FAM178B: variants seen among roughly 807,000 people sequenced by gnomAD.
The protein encoded by FAM178B is protein FAM178B.
Under a neutral mutation model 91.7 loss-of-function variants are expected in FAM178B, and 82 were observed. That is an observed-to-expected ratio of 0.89 (90% CI 0.75 to 1.07). The LOEUF is 1.07. FAM178B is among the 50% of genes least tolerant of loss of function. The pLI is 0.00. For synonymous variants in FAM178B, 368 were observed against 359.4 expected (o/e 1.02, Z -0.27); for missense variants, 769 against 846.7 (o/e 0.91, Z 1.14).
chr2:96,942,638 G>A (rs1177201622), intron 8 of FAM178B, among the ~76,000 whole-genome samples: 2 of 152,076 alleles, frequency 1.3e-5, no homozygotes, highest in Non-Finnish European at 2.9e-5. Flanking sequence ...CTCATGATCC[G>A]CCTGCCTCGG....
chr2:96,879,038 G>T (rs562549196), intron 14 of FAM178B, among the ~76,000 whole-genome samples: 1 of 152,246 alleles, frequency 6.6e-6, no homozygotes, highest in Non-Finnish European at 1.5e-5. Context: ...AAAACAGGAC[G>T]CAGGCCTGCT....
intron 12 of FAM178B, among the ~76,000 whole-genome samples, chr2:96,918,742 A>G (rs2081283080): frequency 6.6e-6 from 1 of 152,202 alleles, no homozygotes. Flanking sequence ...AAAAAGTAGG[A>G]GTTAAAGAAA....
At chr2:96,945,448 C>A (rs2081811142) in intron 8 of FAM178B, among the ~76,000 whole-genome samples, 1 of 152,162 alleles carries the variant, frequency 6.6e-6, no homozygotes, top group African/African-American at 2.4e-5. Context: ...CTGGGAAGAA[C>A]TGCTGGTCAC....
chr2:96,884,752 C>T lies in FAM178B; in HGVS notation c.1777-6259G>A, dbSNP rs960205269. Among the ~76,000 whole-genome samples, 5 of 152,356 alleles carry T rather than the reference C, an allele frequency of 3.3e-5. No homozygotes were observed. The East Asian group carries it at 7.7e-4, about 24-fold the overall frequency. On this transcript the variant is annotated intron_variant, in intron 14 of 16. Coordinates refer to ENST00000490605, the MANE Select transcript of FAM178B (RefSeq NM_001122646.3). ...CAACCTCTTCCCCTTGGCCAGGCAG[C>T]TTCTGCTCCAAGGTTGCACCTCTGA...
At chr2:96,935,306 C>A (rs999521311) in intron 8 of FAM178B, among the ~76,000 whole-genome samples, 50 of 152,192 alleles carry the variant, frequency 3.3e-4, no homozygotes, top group Non-Finnish European at 1.5e-5. Context: ...TGCAGGATCT[C>A]AGGAGCCCGT....
At chr2:96,950,064 G>A in intron 7 of FAM178B, 7 of 985,686 alleles carry the variant, frequency 7.1e-6, no homozygotes, top group Non-Finnish European at 8.4e-6. Flanking sequence ...GCAGGGGAAG[G>A]CTCGTCTGTG....
chr2:96,944,152 G>A (rs2081780793), intron 8 of FAM178B, among the ~76,000 whole-genome samples: 1 of 149,146 alleles, frequency 6.7e-6, no homozygotes, highest in South Asian at 2.2e-4. Flanking sequence ...TGAGGCAGGA[G>A]AATGGCGTGA....
At chr2:96,948,736 G>A (rs1445319808) in intron 7 of FAM178B, among the ~76,000 whole-genome samples, 3 of 152,204 alleles carry the variant, frequency 2.0e-5, no homozygotes, top group Admixed American at 1.3e-4. Context: ...CCAGGGCCCT[G>A]AGCCCAGGAC....
chr2:96,952,276 G>A (rs886440470), intron 6 of FAM178B, among the ~76,000 whole-genome samples: 1 of 152,162 alleles, frequency 6.6e-6, no homozygotes. Context: ...TGAGAAGACC[G>A]GAAAATAACA....
At chr2:96,878,985 C>T (rs1284364767) in intron 14 of FAM178B, among the ~76,000 whole-genome samples, 3 of 152,184 alleles carry the variant, frequency 2.0e-5, no homozygotes, top group South Asian at 4.1e-4. Context: ...CTGCACATCT[C>T]GCCTCCATCC....
chr2:96,916,181 TAA>T (rs2081238468), intron 12 of FAM178B, among the ~76,000 whole-genome samples: 1 of 152,218 alleles, frequency 6.6e-6, no homozygotes, highest in African/African-American at 2.4e-5. Context: ...GTGCACATTT[TAA>T]AGTCATTTGC....
chr2:96,981,907 A>T (rs1188678613), intron 1 of FAM178B, among the ~76,000 whole-genome samples: 1 of 151,906 alleles, frequency 6.6e-6, no homozygotes, highest in Non-Finnish European at 1.5e-5. Flanking sequence ...TCTCTACAAA[A>T]AAACGCAAAA....
chr2:96,979,095 G>C (rs1224715691), intron 1 of FAM178B, among the ~76,000 whole-genome samples: 1 of 147,740 alleles, frequency 6.8e-6, no homozygotes, highest in Non-Finnish European at 1.5e-5. Context: ...CCCTGCCTCA[G>C]CCTCCTGAGT....
At chr2:96,929,620 G>T (rs778652173) in intron 8 of FAM178B, among the ~76,000 whole-genome samples, 1 of 152,206 alleles carries the variant, frequency 6.6e-6, no homozygotes, top group Non-Finnish European at 1.5e-5. Context: ...CAGGGTGCTC[G>T]GCTGCCCACA....
chr2:96,976,179 C>T (rs1574324317), intron 1 of FAM178B, among the ~76,000 whole-genome samples: 2 of 151,832 alleles, frequency 1.3e-5, no homozygotes, highest in African/African-American at 4.8e-5. Context: ...ACTGCAACCT[C>T]CTCCTCCCAG....
intron 14 of FAM178B, among the ~76,000 whole-genome samples, chr2:96,884,876 C>G (rs1452779393): frequency 6.6e-6 from 1 of 152,252 alleles, no homozygotes; most frequent in Non-Finnish European, 1.5e-5. Flanking sequence ...CTGACCAGGA[C>G]AGGTCGCCGG....
intron 1 of FAM178B, among the ~76,000 whole-genome samples, chr2:96,977,512 T>G (rs2082307288): frequency 6.6e-6 from 1 of 150,488 alleles, no homozygotes; most frequent in African/African-American, 2.4e-5. Flanking sequence ...TTAAACAAAC[T>G]TTTACTTAGG....
intron 8 of FAM178B, among the ~76,000 whole-genome samples, chr2:96,930,518 C>A (rs192825619): frequency 2.0e-5 from 3 of 152,208 alleles, no homozygotes; most frequent in Non-Finnish European, 4.4e-5. Context: ...TGACTTGCTT[C>A]TCCTTCTGTC....
chr2:96,970,486 G>A (rs901968806), intron 4 of FAM178B, among the ~76,000 whole-genome samples: 3 of 152,240 alleles, frequency 2.0e-5, no homozygotes, highest in African/African-American at 4.8e-5. Flanking sequence ...CCAAGGTGGA[G>A]AGGGGACCCA....
Sources: allele counts gnomAD v4.1 joint callset (sites outside exome capture counted in the v4.1 genomes callset), GRCh38; gene constraint gnomAD v4.1.1; transcripts MANE v1.5; gene names NCBI Gene and HGNC (gene_info 2026-07-23, HGNC 2026-07-21).